MMS19: variants seen among roughly 807,000 people sequenced by gnomAD.
MMS19 encodes MMS19 nucleotide excision repair protein homolog.
MMS19 carries 77 observed loss-of-function variants against 129.8 expected under a neutral mutation model. That is an observed-to-expected ratio of 0.59 (90% CI 0.49 to 0.72). The LOEUF (loss-of-function observed/expected upper bound fraction) is 0.72. Among genes scored for constraint, MMS19 ranks in the 30% least tolerant of loss-of-function variants. MMS19 has a pLI of 0.00. For synonymous variants in MMS19, 491 were observed against 502.8 expected, an observed-to-expected ratio of 0.98 and a Z score of 0.31; for missense variants, 1,168 against 1,266.3, an observed-to-expected ratio of 0.92 and a Z score of 1.18.
At chr10:97,477,964 G>A in intron 4 of MMS19, 35 bp from the exon 5 acceptor site, 6 of 1,443,650 alleles carry the variant, frequency 4.2e-6, no homozygotes, top group Non-Finnish European at 5.7e-6. Flanking sequence ...AATACCGAAG[G>A]AATTGCAGCA....
chr10:97,480,135 A>C, intron 3 of MMS19: 1 of 368,114 alleles, frequency 2.7e-6, no homozygotes, highest in Non-Finnish European at 5.3e-6. Context: ...CTCGGGTAGG[A>C]GGGCCAGCTT....
At chr10:97,498,519 G>C (rs2040239355), upstream of MMS19, 6 of 1,320,630 alleles carry the variant, frequency 4.5e-6, no homozygotes, top group Admixed American at 5.2e-5. Context: ...GCCGGCTTCT[G>C]CCTAGGCAGT....
At position 97,466,933 on chromosome 10, in the gene MMS19, A is replaced by G. The variant is rs766641666; in HGVS notation, c.1298-32T>C. The G allele has an allele frequency of 1.9e-6, 3 of 1,612,622 alleles. No individual in the cohort carries two copies. In the East Asian group the frequency reaches 6.7e-5, roughly 36 times the overall value. ...AAGAGACAGAGGCCAGGTTAGAAGG[A>G]AGCCACTGCATTCCATATCCCTGAC... On this transcript the variant is annotated intron_variant, in intron 14 of 30. Transcript: ENST00000438925.
At chr10:97,463,083 C>T (rs2032469499) in intron 19 of MMS19, 2 of 190,930 alleles carry the variant, frequency 1.0e-5, no homozygotes, top group Middle Eastern at 2.2e-3. Context: ...TTTATAGCAA[C>T]TATCATACAC....
chr10:97,461,144 T>C, intron 23 of MMS19, 137 bp from the exon 24 acceptor site: 1 of 711,926 alleles, frequency 1.4e-6, no homozygotes, highest in South Asian at 1.9e-5. Context: ...GTGGACAAAA[T>C]GATTGGACAC....
chr10:97,459,162 A>T, intron 29 of MMS19, 61 bp downstream of exon 29: 1 of 1,533,228 alleles, frequency 6.5e-7, no homozygotes, highest in Non-Finnish European at 8.8e-7. Flanking sequence ...CTAAGGCAAA[A>T]AGGTACTTAT....
At chr10:97,463,451 G>A (rs989292339) in intron 19 of MMS19, among the ~76,000 whole-genome samples, 2 of 152,200 alleles carry the variant, frequency 1.3e-5, no homozygotes, top group East Asian at 1.9e-4. Flanking sequence ...GAACCATGGC[G>A]CCAGCCTAGA....
rs147392531 is a variant in MMS19 at position 97,466,900 on chromosome 10, A to G, written c.1299T>C (p.Asp433=). 9.9e-6 allele frequency: 16 copies of G among 1,613,750 alleles called. No individual in the cohort carries two copies. Among genetic ancestry groups the G allele is most frequent in the African/African-American group, 1.3e-5 (1 of 74,912 alleles). Reference sequence around the variant, plus strand: ...CCTTGAAGCCATTCAGAGGCCTTTGATCTAGGGAAGAGACAGAGGCCAGGT... The same window carrying G: ...CCTTGAAGCCATTCAGAGGCCTTTGGTCTAGGGAAGAGACAGAGGCCAGGT... ...LQQKWSYEDK[D]QRPLNGFKDQ... is the part of the protein sequence containing the mutation. The change falls in exon 15 of 31, where the codon GAT becomes GAC. Residue 433 remains aspartate, a splice_region_variant and synonymous_variant. Coordinates refer to ENST00000438925, the MANE Select transcript of MMS19 (RefSeq NM_022362.5).
rs1482588145 is a variant in MMS19, at chr10:97,460,933, T to A, written c.2386A>T (p.Ser796Cys). 1 of 1,582,736 alleles carries A rather than the reference T, an allele frequency of 6.3e-7. No homozygotes were observed. The highest frequency in any genetic ancestry group is 8.6e-7 in the Non-Finnish European group (1 of 1,163,760). ...CAGAGAAGAAGAGTGAAGGCCTGAC[T>A]ACGACAGGGCCCAGAGCCCAGGCCA... ...EAGLGSGPCR[S>C]QAFTLLLWVT... is the part of the protein sequence containing the mutation. The change falls in exon 24 of 31, where the codon AGT becomes TGT. Residue 796 changes from serine (S) to cysteine (C), a missense_variant. This residue lies in a region of MMS19 where 831 missense variants were observed against 910.8 expected (regional missense o/e 0.91). Coordinates refer to ENST00000438925, the MANE Select transcript of MMS19 (RefSeq NM_022362.5).
chr10:97,462,481 C>T, intron 20 of MMS19, 102 bp downstream of exon 20: 2 of 799,054 alleles, frequency 2.5e-6, no homozygotes, highest in Non-Finnish European at 4.2e-6. Context: ...ACCACATTTA[C>T]ATATAGGTAA....
chr10:97,487,575 T>C (rs1025566245), intron 1 of MMS19, among the ~76,000 whole-genome samples: 12 of 152,084 alleles, frequency 7.9e-5, no homozygotes, highest in Non-Finnish European at 1.6e-4. Flanking sequence ...GGCCTTGGCC[T>C]CCCAAAGTGC....
intron 1 of MMS19, among the ~76,000 whole-genome samples, chr10:97,491,654 GA>G (rs996045722): frequency 6.7e-6 from 1 of 150,270 alleles, no homozygotes; most frequent in Non-Finnish European, 1.5e-5. Context: ...CCGTCTCAAA[GA>G]AAAAAAAAGA....
intron 1 of MMS19, among the ~76,000 whole-genome samples, chr10:97,484,596 A>T (rs1349707977): frequency 1.3e-5 from 2 of 152,154 alleles, no homozygotes; most frequent in Non-Finnish European, 2.9e-5. Flanking sequence ...ACTCATTTTT[A>T]AAAATCATGG....
chr10:97,466,447 G>A, intron 16 of MMS19, 57 bp downstream of exon 16: 3 of 1,352,532 alleles, frequency 2.2e-6, no homozygotes, highest in Non-Finnish European at 3.2e-6. Flanking sequence ...TTGATCTTTT[G>A]CTGCCAATAC....
chr10:97,467,520 T>A lies in MMS19; in HGVS notation c.1282A>T (p.Ser428Cys). The A allele has an allele frequency of 1.9e-6, 3 of 1,613,800 alleles. No individual in the cohort carries two copies. Among genetic ancestry groups the A allele is most frequent in the Non-Finnish European group, 2.5e-6 (3 of 1,179,760 alleles). ...GCAACCTCACCTTTGTCTTCATAGC[T>A]CCATTTCTGCTGCAGCTTCAAGAAA... The part of the protein sequence containing the change: ...LGFLKLQQKW[S>C]YEDKDQRPLN... Residue 428 changes from serine (S) to cysteine (C), a missense_variant, in exon 14 of 31, where the codon AGC becomes TGC. Coordinates refer to ENST00000438925, the MANE Select transcript of MMS19 (RefSeq NM_022362.5).
intron 12 of MMS19, 59 bp from the exon 13 acceptor site, chr10:97,468,465 A>G (rs1004354384): frequency 1.3e-6 from 2 of 1,494,244 alleles, no homozygotes; most frequent in African/African-American, 1.4e-5. Context: ...TGACTCCCCT[A>G]CAGTCCACAG....
chr10:97,495,771 T>C (rs2039669020), intron 1 of MMS19, among the ~76,000 whole-genome samples: 7 of 152,250 alleles, frequency 4.6e-5, no homozygotes, highest in Admixed American at 3.9e-4. Flanking sequence ...TATTCCTTTG[T>C]ACCAACTTTC....
At chr10:97,498,747 T>C (rs550529245), upstream of MMS19, 13 of 300,386 alleles carry the variant, frequency 4.3e-5, no homozygotes, top group Admixed American at 2.1e-4. Context: ...GGCGGTGCTG[T>C]CGGTCACATG....
Position 97,477,940 on chromosome 10 carries a change from G to A in MMS19, c.349-11C>T, listed in dbSNP as rs760156386. Reference sequence around the variant, plus strand: ...GGCCACACACAGGCTCTGGGGGAGAGGAGAAGGTACGTGAATACCGAAGGA... The same window carrying A: ...GGCCACACACAGGCTCTGGGGGAGAAGAGAAGGTACGTGAATACCGAAGGA... On this transcript the variant is annotated splice_polypyrimidine_tract_variant and intron_variant, in intron 4 of 30. Transcript: ENST00000438925. 3 of 1,580,174 alleles carry A rather than the reference G, an allele frequency of 1.9e-6. No individual in the cohort carries two copies. Among genetic ancestry groups the A allele is most frequent in the Admixed American group, 1.9e-5 (1 of 52,056 alleles).
Sources: gnomAD v4.1 joint callset for allele counts (sites outside exome capture counted in the v4.1 genomes callset) on GRCh38, gnomAD v4.1.1 for gene constraint, gnomAD v4.1.1 regional missense constraint, MANE v1.5 for transcripts, NCBI Gene and HGNC (gene_info 2026-07-23, HGNC 2026-07-21) for gene names.